The following EPB41L2 variants were observed in gnomAD, a reference collection of about 807,000 sequenced individuals.
The protein encoded by EPB41L2 is erythrocyte membrane protein band 4.1 like 2.
EPB41L2 carries 43 observed loss-of-function variants against 113.0 expected under a neutral mutation model. The observed-to-expected ratio is 0.38, with a 90% CI of 0.30 to 0.49. The LOEUF (loss-of-function observed/expected upper bound fraction) is 0.49, where lower values mean the gene tolerates loss of function less well. Among genes scored for constraint, EPB41L2 ranks in the 20% least tolerant of loss-of-function variants. EPB41L2 has a pLI of 0.95. For synonymous variants in EPB41L2, 442 were observed against 436.7 expected (o/e 1.01, Z -0.15); for missense variants, 1,147 against 1,223.4 (o/e 0.94, Z 0.93).
intron 4 of EPB41L2, among the ~76,000 whole-genome samples, chr6:130,920,351 G>A (rs886242572): frequency 6.6e-6 from 1 of 152,304 alleles, no homozygotes; most frequent in East Asian, 1.9e-4. Flanking sequence ...GCTGGACAGT[G>A]TAGGTATCAA....
chr6:130,956,135 G>A lies in EPB41L2; in HGVS notation c.351C>T (p.Pro117=), dbSNP rs752860719. 6.2e-7 allele frequency: 1 copy of A among 1,613,934 alleles called. No homozygotes were observed. The highest frequency in any genetic ancestry group is 8.5e-7 in the Non-Finnish European group (1 of 1,180,024). The change falls in exon 2 of 20, where the codon CCC becomes CCT. Residue 117 remains proline (P), a synonymous_variant. Transcript: ENST00000337057. ...VEEQVLDKEE[P]LPEEQRQAKG... is the part of the protein sequence containing the mutation. ...TAGCCTGTCTCTGTTCTTCTGGAAGGGGTTCCTCTTTATCTAAGACCTGTT... is the reference window on the plus strand; with the variant it reads ...TAGCCTGTCTCTGTTCTTCTGGAAGAGGTTCCTCTTTATCTAAGACCTGTT...
chr6:131,050,133 G>GT (rs1386856808), intron 1 of EPB41L2, among the ~76,000 whole-genome samples: 1 of 152,210 alleles, frequency 6.6e-6, no homozygotes, highest in Non-Finnish European at 1.5e-5. Context: ...GAGGTCAGGA[G>GT]TTTGAGACCA....
At chr6:130,882,738 C>T (rs935304370) in intron 12 of EPB41L2, 1 of 152,758 alleles carries the variant, frequency 6.5e-6, no homozygotes, top group Non-Finnish European at 1.5e-5. Context: ...TGCTGCACAC[C>T]AGCGGGGAGG....
chr6:130,916,641 T>A (rs1801185781), intron 4 of EPB41L2, among the ~76,000 whole-genome samples: 1 of 152,074 alleles, frequency 6.6e-6, no homozygotes, highest in Non-Finnish European at 1.5e-5. Flanking sequence ...TCATGACATT[T>A]CAAACTCCTG....
intron 4 of EPB41L2, among the ~76,000 whole-genome samples, chr6:130,919,007 A>G (rs1051846651): frequency 2.0e-5 from 3 of 152,204 alleles, no homozygotes; most frequent in Non-Finnish European, 2.9e-5. Flanking sequence ...TTTTGTCTAC[A>G]TAAGCAGATA....
At chr6:131,012,904 T>G (rs1314371917) in intron 1 of EPB41L2, among the ~76,000 whole-genome samples, 1 of 152,206 alleles carries the variant, frequency 6.6e-6, no homozygotes, top group Non-Finnish European at 1.5e-5. Context: ...ACAAGAATCT[T>G]CTTTAACTGA....
intron 1 of EPB41L2, among the ~76,000 whole-genome samples, chr6:131,007,250 T>C (rs541152106): frequency 4.9e-4 from 75 of 152,278 alleles, no homozygotes; most frequent in African/African-American, 1.7e-3. Context: ...TCATAAGATA[T>C]TGTAGTTTTA....
At chr6:130,998,611 TTCAGTGGAC>T (rs1484307999) in intron 1 of EPB41L2, among the ~76,000 whole-genome samples, 12 of 152,326 alleles carry the variant, frequency 7.9e-5, no homozygotes, top group African/African-American at 2.9e-4. Flanking sequence ...CTTAGTTATC[TTCAGTGGAC>T]AGTACTCTGA....
chr6:130,856,407 C>A (rs1446277425), intron 19 of EPB41L2, among the ~76,000 whole-genome samples: 1 of 152,156 alleles, frequency 6.6e-6, no homozygotes. Flanking sequence ...GAGAGGTGAA[C>A]AAGCATTTAA....
intron 1 of EPB41L2, among the ~76,000 whole-genome samples, chr6:131,007,798 T>C (rs1452164036): frequency 6.6e-6 from 1 of 152,198 alleles, no homozygotes; most frequent in Non-Finnish European, 1.5e-5. Flanking sequence ...AGAGAGATTA[T>C]TTAGGGTATC....
intron 17 of EPB41L2, among the ~76,000 whole-genome samples, chr6:130,864,087 T>C (rs1782965341): frequency 6.6e-6 from 1 of 152,202 alleles, no homozygotes; most frequent in African/African-American, 2.4e-5. Context: ...GTTTCTTTAC[T>C]CCTAGCTGGC....
At chr6:130,956,987 G>GT (rs1406530660) in intron 1 of EPB41L2, among the ~76,000 whole-genome samples, 1 of 152,026 alleles carries the variant, frequency 6.6e-6, no homozygotes. Context: ...AAAATGTTAG[G>GT]TATTAGAAAA....
chr6:130,864,826 G>A (rs1172977717), intron 17 of EPB41L2, among the ~76,000 whole-genome samples: 1 of 152,170 alleles, frequency 6.6e-6, no homozygotes, highest in Non-Finnish European at 1.5e-5. Context: ...AAGGGCACAA[G>A]GGACACCTTT....
At chr6:130,969,528 A>T (rs1377491955) in intron 1 of EPB41L2, among the ~76,000 whole-genome samples, 1 of 152,202 alleles carries the variant, frequency 6.6e-6, no homozygotes, top group Non-Finnish European at 1.5e-5. Context: ...CAACCAATTA[A>T]ATATTCAGTA....
intron 12 of EPB41L2, chr6:130,882,019 A>G (rs762421153): frequency 3.9e-5 from 6 of 152,364 alleles, no homozygotes; most frequent in African/African-American, 7.2e-5. Context: ...ATGCTAGAAC[A>G]CACTTGGGTT....
At chr6:130,883,102 C>T (rs1442022552) in intron 12 of EPB41L2, 2 of 152,580 alleles carry the variant, frequency 1.3e-5, no homozygotes, top group African/African-American at 2.4e-5. Flanking sequence ...CAGGGACAGG[C>T]AATAGGTTTG....
chr6:130,874,029 C>G (rs1168622747), intron 14 of EPB41L2, among the ~76,000 whole-genome samples: 1 of 152,170 alleles, frequency 6.6e-6, no homozygotes, highest in Non-Finnish European at 1.5e-5. Context: ...AAGTGCCACA[C>G]ATTTCGTTAT....
At chr6:131,037,542 T>C (rs545140644) in intron 1 of EPB41L2, among the ~76,000 whole-genome samples, 1 of 152,148 alleles carries the variant, frequency 6.6e-6, no homozygotes, top group African/African-American at 2.4e-5. Flanking sequence ...TGGTAATTTT[T>C]TTTTCAAAAA....
intron 1 of EPB41L2, among the ~76,000 whole-genome samples, chr6:131,000,415 T>C (rs1007570421): frequency 2.0e-5 from 3 of 151,262 alleles, no homozygotes; most frequent in Non-Finnish European, 2.9e-5. Flanking sequence ...ACATAACTTT[T>C]AGGAAGAAAA....
Sources: gnomAD v4.1 joint callset for allele counts (sites outside exome capture counted in the v4.1 genomes callset) on GRCh38, gnomAD v4.1.1 for gene constraint, MANE v1.5 for transcripts, NCBI Gene and HGNC (gene_info 2026-07-23, HGNC 2026-07-21) for gene names.